The following CDH20 variants were observed in gnomAD, a reference collection of about 807,000 sequenced individuals.
The protein encoded by CDH20 is cadherin 20, also known as cadherin-20.
In CDH20, 29 loss-of-function variants were observed where a neutral mutation model predicts 74.2. The ratio of observed to expected loss-of-function variants is 0.39; its 90% CI spans 0.29 to 0.53. CDH20 has a LOEUF of 0.53. Ranked by LOEUF, CDH20 falls within the 20% of genes least tolerant of loss-of-function variation. The pLI, the probability that CDH20 is intolerant of heterozygous loss-of-function variation, is 0.69. For missense variants in CDH20, 988 were observed against 1,048.3 expected (o/e 0.94, Z 0.79); for synonymous variants, 469 against 405.4 (o/e 1.16, Z -1.88).
chr18:61,408,373 G>T (rs977589229), intron 1 of CDH20, among the ~76,000 whole-genome samples: 1 of 152,150 alleles, frequency 6.6e-6, no homozygotes, highest in Non-Finnish European at 1.5e-5. Flanking sequence ...TAACTGTTGG[G>T]ATGTGCCATT....
At position 61,554,198 on chromosome 18, in the gene CDH20, T is replaced by C. The variant is rs1568188720; in HGVS notation, c.1909T>C (p.Leu637=). 1.2e-6 allele frequency: 2 copies of C among 1,609,326 alleles called. No homozygotes were observed. The highest frequency in any genetic ancestry group is 1.7e-6 in the Non-Finnish European group (2 of 1,176,300). Residue 637 remains leucine (L), a synonymous_variant, in exon 12 of 12, where the codon TTG becomes CTG. Coordinates refer to ENST00000262717, the MANE Select transcript of CDH20 (RefSeq NM_031891.4). The part of the protein sequence containing the change: ...ACIFVLLVLV[L]LILSMRRHRK... ...CTTTTTGTTCCTGGCAGTGCTGGTGTTGCTCATTTTGTCCATGAGGCGGCA... is the reference window on the plus strand; with the variant it reads ...CTTTTTGTTCCTGGCAGTGCTGGTGCTGCTCATTTTGTCCATGAGGCGGCA...
At chr18:61,493,206 C>A (rs1911020248) in intron 2 of CDH20, among the ~76,000 whole-genome samples, 1 of 152,138 alleles carries the variant, frequency 6.6e-6, no homozygotes. Context: ...AATCGGTCCC[C>A]ATATCTGCCA....
At chr18:61,441,635 A>G (rs1909036582) in intron 1 of CDH20, among the ~76,000 whole-genome samples, 1 of 152,130 alleles carries the variant, frequency 6.6e-6, no homozygotes, top group South Asian at 2.1e-4. Flanking sequence ...GGGGCCCCAT[A>G]CCTTTGCAAA....
At chr18:61,430,388 A>G (rs75753398) in intron 1 of CDH20, among the ~76,000 whole-genome samples, 3,207 of 152,282 alleles carry the variant, frequency 0.021, 58 homozygotes, top group Non-Finnish European at 0.034. Flanking sequence ...ATCAGGATAC[A>G]TGTTGATAGT....
intron 1 of CDH20, among the ~76,000 whole-genome samples, chr18:61,340,475 T>G (rs1160151323): frequency 6.6e-6 from 1 of 152,142 alleles, no homozygotes; most frequent in East Asian, 1.9e-4. Flanking sequence ...TTGGTGTTCT[T>G]TAGCTGGTAT....
At chr18:61,383,505 C>T (rs766787516) in intron 1 of CDH20, among the ~76,000 whole-genome samples, 3 of 152,120 alleles carry the variant, frequency 2.0e-5, no homozygotes, top group South Asian at 4.1e-4. Flanking sequence ...CGCTTGAACC[C>T]GGGAGGCGGA....
Position 61,544,986 on chromosome 18 carries a change from C to G in CDH20, c.1531-41C>G, listed in dbSNP as rs182866538. The G allele has an allele frequency of 5.0e-6, 7 of 1,387,906 alleles. No homozygotes were observed. The Admixed American group carries it at 8.4e-5, about 17-fold the overall frequency. The allele number at this position is 1,387,906 out of a possible 1,614,324, so 86.0% of individuals were successfully genotyped here. A position where few individuals can be genotyped will look rare whatever the true frequency, so the allele number is the denominator to read the frequency against. On this transcript the variant is annotated intron_variant, in intron 9 of 11. Transcript: ENST00000262717. ...ATTTAACTGGGCCCTGGTGCTTTTT[C>G]CTTTGGCTCCAACTCACCTGATTTC...
rs544343563 is a variant in CDH20 at position 61,380,484 on chromosome 18, C to A, written c.-153+46657C>A. ...AGAAATTAAAGCCAGTCCATATTTT[C>A]ATGTTTTAATTTCTGCAACTTTTGT... On this transcript the variant is annotated intron_variant, in intron 1 of 11. Transcript: ENST00000262717. 2.6e-5 allele frequency among the ~76,000 whole-genome samples: 4 copies of A among 152,330 alleles called. No homozygotes were observed. The South Asian group carries it at 8.3e-4, about 32-fold the overall frequency.
At chr18:61,477,229 C>T (rs991337788) in intron 1 of CDH20, among the ~76,000 whole-genome samples, 4 of 152,128 alleles carry the variant, frequency 2.6e-5, no homozygotes, top group African/African-American at 9.7e-5. Flanking sequence ...TGGAGAGATC[C>T]AAGACCCAGT....
intron 2 of CDH20, among the ~76,000 whole-genome samples, chr18:61,498,341 A>T (rs1300373427): frequency 2.0e-5 from 3 of 151,626 alleles, no homozygotes; most frequent in African/African-American, 7.3e-5. Context: ...TGGAGGTTGC[A>T]GTGAGCTAAA....
rs1913596994 is a variant in CDH20 at position 61,555,384 on chromosome 18, T to TA, written c.*690dup. ...TACAGCTCATCCAACGCCATCAAGT[T>TA]AGAGTGCTCGTGTCTCCTCTCAGCT... On this transcript the variant is annotated 3_prime_UTR_variant, in exon 12 of 12. Coordinates refer to ENST00000262717, the MANE Select transcript of CDH20 (RefSeq NM_031891.4). The TA allele has an allele frequency of 1.0e-6, 1 of 985,370 alleles. No individual in the cohort carries two copies. Among genetic ancestry groups the TA allele is most frequent in the South Asian group, 4.7e-5 (1 of 21,284 alleles). 61.0% of individuals were successfully genotyped at this position (985,370 alleles called of 1,614,324 possible).
chr18:61,411,860 G>T (rs1356458250), intron 1 of CDH20, among the ~76,000 whole-genome samples: 1 of 152,050 alleles, frequency 6.6e-6, no homozygotes, highest in African/African-American at 2.4e-5. Flanking sequence ...GGAAGTTGTG[G>T]GAAGGGGTAA....
At chr18:61,334,844 G>T (rs1370981178) in intron 1 of CDH20, among the ~76,000 whole-genome samples, 2 of 151,446 alleles carry the variant, frequency 1.3e-5, no homozygotes, top group Non-Finnish European at 2.9e-5. Flanking sequence ...TATTATTAAT[G>T]CTCTTGTTAT....
intron 1 of CDH20, among the ~76,000 whole-genome samples, chr18:61,365,281 A>T (rs1910820634): frequency 1.3e-5 from 2 of 152,236 alleles, no homozygotes; most frequent in African/African-American, 4.8e-5. Flanking sequence ...AACATTCATT[A>T]TTGGGTTAGA....
At chr18:61,434,651 G>T (rs78496834) in intron 1 of CDH20, among the ~76,000 whole-genome samples, 3 of 151,986 alleles carry the variant, frequency 2.0e-5, no homozygotes, top group Admixed American at 1.3e-4. Context: ...GGTCCATGAG[G>T]TCTGTGGGCT....
intron 1 of CDH20, among the ~76,000 whole-genome samples, chr18:61,481,321 G>A (rs1910581418): frequency 6.6e-6 from 1 of 152,170 alleles, no homozygotes. Context: ...TTAATCTATA[G>A]TATTAGGTCG....
chr18:61,528,665 G>C (rs1397124106), intron 7 of CDH20, among the ~76,000 whole-genome samples: 1 of 152,062 alleles, frequency 6.6e-6, no homozygotes, highest in East Asian at 1.9e-4. Flanking sequence ...CAAATGTCCA[G>C]GGAAGTGGTG....
chr18:61,351,247 A>C (rs1240338497), intron 1 of CDH20, among the ~76,000 whole-genome samples: 1 of 152,192 alleles, frequency 6.6e-6, no homozygotes. Context: ...TGCTGGTCCC[A>C]GGGTTACTTA....
chr18:61,450,064 C>T (rs1318094066), intron 1 of CDH20, among the ~76,000 whole-genome samples: 2 of 151,798 alleles, frequency 1.3e-5, no homozygotes, highest in African/African-American at 2.4e-5. Flanking sequence ...ATTTTAGTAG[C>T]AGCAGCAGCA....
Sources: allele counts gnomAD v4.1 joint callset (sites outside exome capture counted in the v4.1 genomes callset), GRCh38; gene constraint gnomAD v4.1.1; transcripts MANE v1.5; gene names NCBI Gene and HGNC (gene_info 2026-07-23, HGNC 2026-07-21).